SLC6A18: variants seen among roughly 807,000 people sequenced by gnomAD.
The protein encoded by SLC6A18 is solute carrier family 6 member 18.
SLC6A18 carries 58 observed loss-of-function variants against 62.9 expected under a neutral mutation model. The ratio of observed to expected loss-of-function variants is 0.92; its 90% CI spans 0.75 to 1.15. The LOEUF (loss-of-function observed/expected upper bound fraction) is 1.15. Among genes scored for constraint, SLC6A18 ranks in the 50% most tolerant of loss-of-function variants. The pLI is 0.00. For missense variants in SLC6A18, 793 were observed against 836.6 expected (o/e 0.95, Z 0.64); for synonymous variants, 382 against 365.8 (o/e 1.04, Z -0.51).
Position 1,239,569 on chromosome 5 carries a change from A to T in SLC6A18, c.845+7A>T, listed in dbSNP as rs1449686463. On this transcript the variant is annotated splice_region_variant and intron_variant, in intron 6 of 11. Coordinates refer to ENST00000324642, the MANE Select transcript of SLC6A18 (RefSeq NM_182632.3). ...CAAGTTACAACTCGCCCAGGTAGGCAGTCGGGCTCAGCTGTCCAGCCAGGG... is the reference window on the plus strand; with the variant it reads ...CAAGTTACAACTCGCCCAGGTAGGCTGTCGGGCTCAGCTGTCCAGCCAGGG... The T allele has an allele frequency of 3.7e-6, 6 of 1,607,414 alleles. No homozygotes were observed. The highest frequency in any genetic ancestry group is 5.1e-6 in the Non-Finnish European group (6 of 1,173,964).
intron 1 of SLC6A18, 89 bp downstream of exon 1, chr5:1,225,726 A>C: frequency 1.5e-5 from 21 of 1,438,278 alleles, no homozygotes; most frequent in Non-Finnish European, 1.9e-5. Context: ...ACGCATCCCC[A>C]GTGCTTGGGC....
intron 4 of SLC6A18, among the ~76,000 whole-genome samples, chr5:1,235,899 T>C (rs1048592518): frequency 2.0e-5 from 3 of 152,240 alleles, no homozygotes; most frequent in Middle Eastern, 3.2e-3. Flanking sequence ...CCAGATTTCT[T>C]TGGGCTATGT....
At chr5:1,237,928 T>C (rs1746926423) in intron 4 of SLC6A18, 22 bp from the exon 5 acceptor site, 1 of 1,593,420 alleles carries the variant, frequency 6.3e-7, no homozygotes, top group Non-Finnish European at 8.6e-7. Context: ...TCAAGTCTCA[T>C]GACTCCACCT....
At chr5:1,235,981 G>A (rs956529064) in intron 4 of SLC6A18, among the ~76,000 whole-genome samples, 1 of 151,970 alleles carries the variant, frequency 6.6e-6, no homozygotes, top group African/African-American at 2.4e-5. Flanking sequence ...TGTTTTTCTT[G>A]TAGACAGCAT....
At chr5:1,242,230 C>T (rs1453072881) in intron 7 of SLC6A18, among the ~76,000 whole-genome samples, 1 of 152,254 alleles carries the variant, frequency 6.6e-6, no homozygotes, top group Non-Finnish European at 1.5e-5. Context: ...GAGTGCTCCC[C>T]TTCCAAACCC....
chr5:1,235,808 C>A, intron 4 of SLC6A18, 146 bp downstream of exon 4: 1 of 772,612 alleles, frequency 1.3e-6, no homozygotes, highest in Non-Finnish European at 2.1e-6. Context: ...GGGAATTGAT[C>A]CCATTATCAC....
chr5:1,230,840 C>T (rs77448045), intron 1 of SLC6A18, among the ~76,000 whole-genome samples: 2 of 152,154 alleles, frequency 1.3e-5, no homozygotes, highest in East Asian at 3.9e-4. Flanking sequence ...CCTGTGCATG[C>T]AGGTGGGGAG....
At chr5:1,225,662 G>T in intron 1 of SLC6A18, 25 bp downstream of exon 1, 2 of 1,539,036 alleles carry the variant, frequency 1.3e-6, no homozygotes, top group South Asian at 1.3e-5. Flanking sequence ...GCGTCCTGGG[G>T]CAGACCCCTA....
chr5:1,235,700 C>T (rs1363265715), intron 4 of SLC6A18, 38 bp downstream of exon 4: 1 of 1,608,470 alleles, frequency 6.2e-7, no homozygotes, highest in Non-Finnish European at 8.5e-7. Flanking sequence ...CTCTTGCTTC[C>T]TCCAGCCCCC....
rs1405345041 is a variant in SLC6A18, at chr5:1,241,460, A to T, written c.974+801A>T. 6.6e-6 allele frequency among the ~76,000 whole-genome samples: 1 copy of T among 152,100 alleles called. No individual in the cohort carries two copies. Among genetic ancestry groups the T allele is most frequent in the Non-Finnish European group, 1.5e-5 (1 of 68,020 alleles). On this transcript the variant is annotated intron_variant, in intron 7 of 11. Transcript: ENST00000324642. The surrounding 1 kb of genome is among the most constrained non-coding windows in gnomAD (Gnocchi z 7.8). ...CTCGCAGCACCCTACAGTGTCCAGG[A>T]CGGCCCCACCCAGAGAGTGACCAGC... is the stretch of plus-strand genomic sequence containing the variant.
In SLC6A18 at chr5:1,244,697, C is replaced by T; in HGVS notation, c.1586C>T (p.Thr529Ile). The T allele has an allele frequency of 1.2e-6, 2 of 1,613,172 alleles. No individual in the cohort carries two copies. Among genetic ancestry groups the T allele is most frequent in the Non-Finnish European group, 1.7e-6 (2 of 1,179,364 alleles). ...AGGGTGGTCAGTCCCCTGCTGCTGACCATCTTTGTGGCTTACATCATCCTC... is the reference window on the plus strand; with the variant it reads ...AGGGTGGTCAGTCCCCTGCTGCTGATCATCTTTGTGGCTTACATCATCCTC... The part of the protein sequence containing the change: ...TWRVVSPLLL[T>I]IFVAYIILLF... Residue 529 changes from threonine (T) to isoleucine (I), a missense_variant, in exon 11 of 12, where the codon ACC becomes ATC. Coordinates refer to ENST00000324642, the MANE Select transcript of SLC6A18 (RefSeq NM_182632.3).
intron 2 of SLC6A18, 77 bp downstream of exon 2, chr5:1,232,436 C>T (rs944109591): frequency 2.2e-5 from 34 of 1,523,276 alleles, no homozygotes; most frequent in Non-Finnish European, 2.7e-5. Flanking sequence ...GGGGCGGGGG[C>T]GGGTCCATGC....
At chr5:1,229,853 G>C (rs1283281697) in intron 1 of SLC6A18, among the ~76,000 whole-genome samples, 1 of 144,248 alleles carries the variant, frequency 6.9e-6, no homozygotes, top group Non-Finnish European at 1.5e-5. Flanking sequence ...CACGGTACAG[G>C]CTGGAGATGG....
In SLC6A18 at chr5:1,235,626, C is replaced by T. The variant is rs758287302; in HGVS notation, c.585C>T (p.Tyr195=). The T allele has an allele frequency of 6.8e-6, 11 of 1,613,990 alleles. No individual in the cohort carries two copies. The highest frequency in any genetic ancestry group is 1.6e-4 in the Middle Eastern group (1 of 6,062). ...ICLAASWAVV[Y]MCVIRGIETT... ...TGGCAGCCTCCTGGGCAGTCGTGTA[C>T]ATGTGTGTCATCAGGGGCATTGAGA... The change falls in exon 4 of 12, where the codon TAC becomes TAT. Residue 195 remains tyrosine (Y), a synonymous_variant. Coordinates refer to ENST00000324642, the MANE Select transcript of SLC6A18 (RefSeq NM_182632.3).
chr5:1,238,051 C>T lies in SLC6A18; in HGVS notation c.723C>T (p.Phe241=). ...CAACAAAAGGACTCATCTACTTGTT[C>T]ACTCCCAACGTAAGTGGGTCTTGGA... ...PGATKGLIYL[F]TPNMHILQNP... The change falls in exon 5 of 12, where the codon TTC becomes TTT. Residue 241 remains phenylalanine (F), a synonymous_variant. Coordinates refer to ENST00000324642, the MANE Select transcript of SLC6A18 (RefSeq NM_182632.3). 1 of 1,613,692 alleles carries T rather than the reference C, an allele frequency of 6.2e-7. No homozygotes were observed. The highest frequency in any genetic ancestry group is 1.7e-5 in the Admixed American group (1 of 60,024).
chr5:1,232,992 G>A lies in SLC6A18; in HGVS notation c.439+104G>A, dbSNP rs13166623. 9.1e-3 allele frequency: 13,488 copies of A among 1,480,918 alleles called. 112 individuals are homozygous for A. Among genetic ancestry groups the A allele is most frequent in the Non-Finnish European group, 0.01 (11,164 of 1,109,786 alleles). The allele number at this position is 1,480,918 out of a possible 1,614,324, so 91.7% of individuals were successfully genotyped here. ...CAGCTGCGGGTGGCGGATGCTCACCGCGGGGGGAGGGCCGGGGAACCGGTT... is the reference window on the plus strand; with the variant it reads ...CAGCTGCGGGTGGCGGATGCTCACCACGGGGGGAGGGCCGGGGAACCGGTT... On this transcript the variant is annotated intron_variant, in intron 3 of 11. Transcript: ENST00000324642.
Position 1,244,739 on chromosome 5 carries a change from T to A in SLC6A18, c.1628T>A (p.Leu543Gln). The part of the protein sequence containing the change: ...AYIILLFWKP[L>Q]RYKAWNPKYE... ...ATCATCCTCCTGTTCTGGAAGCCACTGAGATACAAGGCCTGGAACCCCAAA... is the reference window on the plus strand; with the variant it reads ...ATCATCCTCCTGTTCTGGAAGCCACAGAGATACAAGGCCTGGAACCCCAAA... The change falls in exon 11 of 12, where the codon CTG becomes CAG. Residue 543 changes from leucine (L) to glutamine (Q), a missense_variant. Transcript: ENST00000324642. 1 of 1,610,254 alleles carries A rather than the reference T, an allele frequency of 6.2e-7. No homozygotes were observed. Among genetic ancestry groups the A allele is most frequent in the Non-Finnish European group, 8.5e-7 (1 of 1,176,848 alleles).
intron 1 of SLC6A18, 134 bp from the exon 2 acceptor site, chr5:1,232,085 C>T (rs1746743603): frequency 5.1e-6 from 4 of 778,278 alleles, no homozygotes; most frequent in Non-Finnish European, 8.3e-6. Flanking sequence ...AGGGTGTCTC[C>T]ACCACCCAAG....
At position 1,237,240 on chromosome 5, in the gene SLC6A18, CAAAAA is replaced by C. The variant is rs61528804; in HGVS notation, c.622-691_622-687del. On this transcript the variant is annotated intron_variant, in intron 4 of 11. Transcript: ENST00000324642. ...TGGGCAAGAGAGCAAGACTCTGTCT[CAAAAA>C]AAAAAAAAAAAAAAAAAATGCATCC... Among the ~76,000 whole-genome samples, 17 of 76,468 alleles carry C rather than the reference CAAAAA, an allele frequency of 2.2e-4. 1 individual carries two copies. The highest frequency in any genetic ancestry group is 8.1e-4 in the African/African-American group (15 of 18,564). 50.2% of individuals were successfully genotyped at this position (76,468 alleles called of 152,430 possible). A position where few individuals can be genotyped will look rare whatever the true frequency, so the allele number is the denominator to read the frequency against.
Sources: allele counts gnomAD v4.1 joint callset (sites outside exome capture counted in the v4.1 genomes callset), GRCh38; gene constraint gnomAD v4.1.1; non-coding constraint Gnocchi (gnomAD v3.1); transcripts MANE v1.5; gene names NCBI Gene and HGNC (gene_info 2026-07-23, HGNC 2026-07-21).